Variants in MECOM observed in about 807,000 individuals in gnomAD.
The protein encoded by MECOM is histone-lysine N-methyltransferase MECOM.
MECOM carries 13 observed loss-of-function variants against 116.3 expected under a neutral mutation model. The observed-to-expected ratio is 0.11, with a 90% CI of 0.07 to 0.18. The LOEUF (loss-of-function observed/expected upper bound fraction) is 0.18, where lower values mean the gene tolerates loss of function less well. Among genes scored for constraint, MECOM ranks in the 10% least tolerant of loss-of-function variants. MECOM has a pLI of 1.00. For synonymous variants in MECOM, 528 were observed against 535.2 expected, an observed-to-expected ratio of 0.99 and a Z score of 0.19; for missense variants, 1,299 against 1,509.0, an observed-to-expected ratio of 0.86 and a Z score of 2.31.
At chr3:169,445,980 T>C (rs911628279) in intron 1 of MECOM, among the ~76,000 whole-genome samples, 1 of 152,238 alleles carries the variant, frequency 6.6e-6, no homozygotes, top group African/African-American at 2.4e-5. Flanking sequence ...ACCTAATACC[T>C]GTACCCCCAT....
Position 169,120,964 on chromosome 3 carries a change from T to C in MECOM, c.1132+92A>G, listed in dbSNP as rs1730835020. ...CCATAAATAGCTAACACGGTGACCC[T>C]CTAAAGGCCATGTGCAGCCACTCTC... On this transcript the variant is annotated intron_variant, in intron 7 of 16. Coordinates refer to ENST00000651503, the MANE Select transcript of MECOM (RefSeq NM_004991.4). 5.1e-6 allele frequency: 7 copies of C among 1,378,864 alleles called. No homozygotes were observed. In the South Asian group the frequency reaches 9.5e-5, roughly 19 times the overall value. 85.4% of individuals were successfully genotyped at this position (1,378,864 alleles called of 1,614,324 possible).
At chr3:169,535,571 C>G (rs1280231393) in intron 1 of MECOM, among the ~76,000 whole-genome samples, 1 of 152,208 alleles carries the variant, frequency 6.6e-6, no homozygotes, top group Non-Finnish European at 1.5e-5. Flanking sequence ...ACAGAACTCT[C>G]TACCCTAGCC....
chr3:169,374,267 A>G (rs1730645482), intron 2 of MECOM, among the ~76,000 whole-genome samples: 1 of 151,866 alleles, frequency 6.6e-6, no homozygotes, highest in Admixed American at 6.6e-5. Context: ...ACCAGAAACC[A>G]AAGCAGCTGG....
chr3:169,566,544 C>T (rs972657066), intron 1 of MECOM, among the ~76,000 whole-genome samples: 3 of 152,092 alleles, frequency 2.0e-5, no homozygotes, highest in African/African-American at 7.2e-5. Flanking sequence ...TTCTAAGCCC[C>T]ATTGATGGGG....
At chr3:169,214,601 A>G (rs1577365184) in intron 2 of MECOM, among the ~76,000 whole-genome samples, 1 of 151,816 alleles carries the variant, frequency 6.6e-6, no homozygotes, top group South Asian at 2.1e-4. Context: ...TAAATCCTGT[A>G]AAGAAAGTAA....
At chr3:169,116,901 A>G (rs1452246123) in intron 7 of MECOM, among the ~76,000 whole-genome samples, 162 bp from the exon 8 acceptor site, 1 of 152,212 alleles carries the variant, frequency 6.6e-6, no homozygotes, top group Non-Finnish European at 1.5e-5. Context: ...CCATTTCACT[A>G]GATTCCAAAG....
intron 2 of MECOM, among the ~76,000 whole-genome samples, chr3:169,256,795 C>T: frequency 6.6e-6 from 1 of 152,218 alleles, no homozygotes; most frequent in East Asian, 1.9e-4. Context: ...CCTGCTCCTA[C>T]CTTCTCATAT....
chr3:169,115,048 T>C (rs1273620033), intron 8 of MECOM, among the ~76,000 whole-genome samples: 1 of 152,190 alleles, frequency 6.6e-6, no homozygotes, highest in Non-Finnish European at 1.5e-5. Flanking sequence ...GCATTAATCC[T>C]TCAGGATCCT....
At chr3:169,488,401 C>T (rs1024157882) in intron 1 of MECOM, among the ~76,000 whole-genome samples, 2 of 146,446 alleles carry the variant, frequency 1.4e-5, no homozygotes, top group Non-Finnish European at 3.0e-5. Flanking sequence ...AAAAAATTAG[C>T]CAGGTGTGGT....
intron 2 of MECOM, among the ~76,000 whole-genome samples, chr3:169,255,547 G>C (rs912005949): frequency 1.3e-5 from 2 of 152,034 alleles, no homozygotes; most frequent in African/African-American, 4.8e-5. Context: ...TAAGTTAAAG[G>C]CATGAAATAC....
intron 1 of MECOM, among the ~76,000 whole-genome samples, chr3:169,466,184 C>T (rs182553650): frequency 6.6e-6 from 1 of 152,272 alleles, no homozygotes; most frequent in Admixed American, 6.5e-5. Flanking sequence ...AACAGGCAGC[C>T]TCTCAAAACC....
intron 2 of MECOM, among the ~76,000 whole-genome samples, chr3:169,252,054 T>A (rs1205844517): frequency 6.6e-6 from 1 of 152,166 alleles, no homozygotes; most frequent in African/African-American, 2.4e-5. Context: ...GGATAGAAGG[T>A]CATTTCAATC....
At chr3:169,215,011 C>T (rs1044676988) in intron 2 of MECOM, among the ~76,000 whole-genome samples, 2 of 150,408 alleles carry the variant, frequency 1.3e-5, no homozygotes, top group Non-Finnish European at 3.0e-5. Context: ...AAAGCCCAGG[C>T]TTTTCTTATA....
chr3:169,246,389 A>G (rs942456636), intron 2 of MECOM, among the ~76,000 whole-genome samples: 1 of 152,176 alleles, frequency 6.6e-6, no homozygotes, highest in Non-Finnish European at 1.5e-5. Flanking sequence ...GTACATCCCA[A>G]ACCACAACTA....
intron 1 of MECOM, among the ~76,000 whole-genome samples, chr3:169,434,108 C>T (rs1336604548): frequency 2.0e-5 from 3 of 152,130 alleles, no homozygotes; most frequent in Non-Finnish European, 4.4e-5. Flanking sequence ...ATGAATACCA[C>T]ATGTCCTTCA....
intron 2 of MECOM, among the ~76,000 whole-genome samples, chr3:169,350,959 A>C (rs1420048902): frequency 1.3e-5 from 2 of 151,952 alleles, no homozygotes; most frequent in African/African-American, 4.8e-5. Flanking sequence ...AATGTTAAAA[A>C]GTGTTGTTTC....
chr3:169,663,479 TCTCTC>T lies in MECOM; in HGVS notation c.-112_-108del. 2.6e-5 allele frequency: 1 copy of T among 38,758 alleles called. No individual in the cohort carries two copies. The allele number at this position is 38,758 out of a possible 1,614,324, so 2.4% of individuals were successfully genotyped here. On this transcript the variant is annotated 5_prime_UTR_variant, in exon 1 of 17. Transcript: ENST00000651503. ...GCTCCCTCCCTCTCTCTCCTGTCTC[TCTCTC>T]TCTCTCTCTCTCTCTCTCTCTCTCT...
chr3:169,203,097 G>A (rs986225657), intron 2 of MECOM, among the ~76,000 whole-genome samples: 1 of 152,084 alleles, frequency 6.6e-6, no homozygotes, highest in African/African-American at 2.4e-5. Flanking sequence ...TTGAGGATAA[G>A]CATGGTCAAG....
At position 169,378,515 on chromosome 3, in the gene MECOM, A is replaced by C. The variant is rs1342409653; in HGVS notation, c.375+2672T>G. On this transcript the variant is annotated intron_variant, in intron 2 of 16. Transcript: ENST00000651503. ...AAAGAAAGAAAGAAAGAAAGAAAGA[A>C]AAGAAAGAAAGAAAGAAAGAAAGAA... Among the ~76,000 whole-genome samples, 80 of 14,066 alleles carry C rather than the reference A, an allele frequency of 5.7e-3. 11 individuals carry two copies. The highest frequency in any genetic ancestry group is 9.5e-3 in the African/African-American group (25 of 2,644). The allele number at this position is 14,066 out of a possible 152,430, so 9.2% of individuals were successfully genotyped here. A position where few individuals can be genotyped will look rare whatever the true frequency, so the allele number is the denominator to read the frequency against.
Sources: gnomAD v4.1 joint callset for allele counts (sites outside exome capture counted in the v4.1 genomes callset) on GRCh38, gnomAD v4.1.1 for gene constraint, MANE v1.5 for transcripts, NCBI Gene and HGNC (gene_info 2026-07-23, HGNC 2026-07-21) for gene names.